AFG2A: variants seen among roughly 807,000 people sequenced by gnomAD.
The protein encoded by AFG2A is AAA ATPase AFG2A, also known as ATPase family gene 2 protein homolog A.
the AFG2A span, among the ~76,000 whole-genome samples, chr4:123,230,760 A>G: frequency 0.62 from 94,681 of 151,782 alleles, 30,309 homozygotes; most frequent in Admixed American, 0.68. Flanking sequence ...TAAGACTTGG[A>G]AGTCTAAATT....
chr4:122,935,745 T>C, the AFG2A span: 5 of 1,610,878 alleles, frequency 3.1e-6, no homozygotes, highest in South Asian at 1.1e-5. Flanking sequence ...TGTTACTTTA[T>C]GGTCCTCCAG....
At chr4:122,941,511 T>A in the AFG2A span, among the ~76,000 whole-genome samples, 1 of 152,280 alleles carries the variant, frequency 6.6e-6, no homozygotes, top group East Asian at 1.9e-4. Context: ...TGAAGTTGCT[T>A]ATCAGCTTAA....
the AFG2A span, among the ~76,000 whole-genome samples, chr4:123,034,115 A>G: frequency 2.4e-4 from 37 of 152,024 alleles, no homozygotes; most frequent in African/African-American, 8.4e-4. Context: ...GCCCTTCCTT[A>G]TTGTAGGTTC....
the AFG2A span, among the ~76,000 whole-genome samples, chr4:123,132,472 A>G: frequency 2.0e-5 from 3 of 151,266 alleles, no homozygotes; most frequent in Admixed American, 6.6e-5. Flanking sequence ...CTTCTTTTTT[A>G]TGGCTGAATT....
chr4:123,058,260 G>A, the AFG2A span, among the ~76,000 whole-genome samples: 4 of 152,214 alleles, frequency 2.6e-5, no homozygotes, highest in Admixed American at 6.5e-5. Flanking sequence ...GGTGGAAGGC[G>A]AAAGACATCT....
the AFG2A span, among the ~76,000 whole-genome samples, chr4:122,944,712 C>T: frequency 6.6e-6 from 1 of 152,146 alleles, no homozygotes; most frequent in Non-Finnish European, 1.5e-5. Flanking sequence ...GAGAGGCACT[C>T]TGCTTTTTAG....
At chr4:123,227,068 A>AT in the AFG2A span, among the ~76,000 whole-genome samples, 4 of 152,024 alleles carry the variant, frequency 2.6e-5, no homozygotes, top group Non-Finnish European at 5.9e-5. Context: ...CCCCTTTATC[A>AT]TTTTTTATTG....
At chr4:123,115,330 G>A in the AFG2A span, among the ~76,000 whole-genome samples, 1 of 152,106 alleles carries the variant, frequency 6.6e-6, no homozygotes, top group African/African-American at 2.4e-5. Flanking sequence ...GGTGGATCCT[G>A]GGGTTGCAGC....
the AFG2A span, among the ~76,000 whole-genome samples, chr4:122,936,484 T>C: frequency 6.6e-6 from 1 of 152,242 alleles, no homozygotes; most frequent in South Asian, 2.1e-4. Flanking sequence ...TTATTGTATG[T>C]AGCTCTTTAT....
At chr4:123,084,924 C>A in the AFG2A span, among the ~76,000 whole-genome samples, 2 of 152,276 alleles carry the variant, frequency 1.3e-5, no homozygotes, top group East Asian at 3.9e-4. Flanking sequence ...AGCTACTGCA[C>A]CCGGCCTAAA....
chr4:122,983,944 A>G, the AFG2A span, among the ~76,000 whole-genome samples: 1,847 of 152,266 alleles, frequency 0.012, 42 homozygotes, highest in African/African-American at 0.041. Context: ...AGAGTACTAC[A>G]TCAACGGAAT....
chr4:123,148,027 A>G, the AFG2A span, among the ~76,000 whole-genome samples: 2 of 152,208 alleles, frequency 1.3e-5, no homozygotes, highest in Admixed American at 1.3e-4. Flanking sequence ...TTCAAGGAGA[A>G]AAAAAGAGCA....
At chr4:123,149,571 AG>A in the AFG2A span, among the ~76,000 whole-genome samples, 17 of 152,334 alleles carry the variant, frequency 1.1e-4, no homozygotes, top group South Asian at 3.5e-3. Context: ...CATGTACATC[AG>A]AATATGCAAA....
the AFG2A span, among the ~76,000 whole-genome samples, chr4:123,264,719 A>AT: frequency 1.3e-5 from 2 of 152,310 alleles, no homozygotes; most frequent in South Asian, 4.1e-4. Flanking sequence ...ATTTGGTAAA[A>AT]GCCAAGACCC....
At chr4:123,318,529 C>G in the AFG2A span, 1 of 152,110 alleles carries the variant, frequency 6.6e-6, no homozygotes, top group African/African-American at 2.4e-5. Flanking sequence ...CTGAGTCATA[C>G]AAAAGAGCAG....
the AFG2A span, among the ~76,000 whole-genome samples, chr4:123,200,250 A>G: frequency 2.0e-5 from 3 of 152,064 alleles, no homozygotes; most frequent in African/African-American, 7.3e-5. Flanking sequence ...ACTAGCACTG[A>G]TTACTCTATT....
At chr4:123,027,461 C>T in the AFG2A span, among the ~76,000 whole-genome samples, 1 of 152,092 alleles carries the variant, frequency 6.6e-6, no homozygotes, top group African/African-American at 2.4e-5. Context: ...TTGGCTTTTA[C>T]GTTTGTCTTC....
chr4:123,178,522 T>C, the AFG2A span, among the ~76,000 whole-genome samples: 2 of 152,224 alleles, frequency 1.3e-5, no homozygotes, highest in Non-Finnish European at 2.9e-5. Context: ...AATCTGTATA[T>C]TGTATAAGAC....
chr4:123,139,053 A>G, the AFG2A span, among the ~76,000 whole-genome samples: 1 of 152,162 alleles, frequency 6.6e-6, no homozygotes, highest in Non-Finnish European at 1.5e-5. Flanking sequence ...GGAATTTTTA[A>G]TAGCTATCTG....
Sources: gnomAD v4.1 joint callset for allele counts (sites outside exome capture counted in the v4.1 genomes callset) on GRCh38, gnomAD v4.1.1 for gene constraint, MANE v1.5 for transcripts, NCBI Gene and HGNC (gene_info 2026-07-23, HGNC 2026-07-21) for gene names.